SLC1A2: variants seen among roughly 807,000 people sequenced by gnomAD.
SLC1A2 encodes solute carrier family 1 member 2.
Under a neutral mutation model 48.8 loss-of-function variants are expected in SLC1A2, and 15 were observed. That is an observed-to-expected ratio of 0.31 (90% CI 0.21 to 0.47). The LOEUF is 0.47. SLC1A2 is among the 20% of genes least tolerant of loss of function. The probability of loss-of-function intolerance (pLI) is 0.99; values close to 1 mark genes in which losing one functional copy is unlikely to be tolerated. For missense variants in SLC1A2, 502 were observed against 730.5 expected, an observed-to-expected ratio of 0.69 and a Z score of 3.61; for synonymous variants, 279 against 272.6, an observed-to-expected ratio of 1.02 and a Z score of -0.23.
chr11:35,371,065 T>C, intron 1 of SLC1A2: 2 of 984,936 alleles, frequency 2.0e-6, no homozygotes, highest in South Asian at 9.4e-5. Flanking sequence ...ATGGGTGGAG[T>C]TGACTCATCT....
intron 4 of SLC1A2, 52 bp from the exon 5 acceptor site, chr11:35,306,294 GAAA>G: frequency 2.8e-6 from 3 of 1,081,958 alleles, no homozygotes; most frequent in South Asian, 1.9e-5. Flanking sequence ...CCTATAAGGT[GAAA>G]AAAAAAAAGA....
chr11:35,400,981 G>A (rs1192822349), intron 1 of SLC1A2, among the ~76,000 whole-genome samples: 1 of 152,158 alleles, frequency 6.6e-6, no homozygotes, highest in Non-Finnish European at 1.5e-5. Flanking sequence ...CCAAAAGGCA[G>A]GACAACTGGA....
At chr11:35,416,940 C>T (rs989421356) in intron 1 of SLC1A2, among the ~76,000 whole-genome samples, 2 of 152,220 alleles carry the variant, frequency 1.3e-5, no homozygotes, top group Admixed American at 6.5e-5. Flanking sequence ...CCCCCCAACT[C>T]GGAGTTCCTC....
chr11:35,358,023 T>C (rs1004220419), intron 1 of SLC1A2, among the ~76,000 whole-genome samples: 1 of 152,002 alleles, frequency 6.6e-6, no homozygotes, highest in Non-Finnish European at 1.5e-5. Flanking sequence ...CAGGTGGCTA[T>C]AGCCCCAGCT....
At chr11:35,381,188 G>T (rs1854412202) in intron 1 of SLC1A2, among the ~76,000 whole-genome samples, 1 of 152,008 alleles carries the variant, frequency 6.6e-6, no homozygotes, top group Middle Eastern at 3.2e-3. Flanking sequence ...TCGTGTGATT[G>T]TCATCACACG....
intron 1 of SLC1A2, chr11:35,374,415 C>A: frequency 4.1e-6 from 2 of 493,508 alleles, no homozygotes; most frequent in Non-Finnish European, 7.6e-6. Flanking sequence ...CTGTCTGGAG[C>A]AAAGAAAAGA....
At chr11:35,302,450 ACTTGTATCTAAGT>A (rs1275184885) in intron 5 of SLC1A2, among the ~76,000 whole-genome samples, 8 of 151,964 alleles carry the variant, frequency 5.3e-5, no homozygotes. Flanking sequence ...GACATTCTTG[ACTTGTATCTAAGT>A]CCAGCCTCAC....
chr11:35,419,827 C>T (rs930673371), upstream of SLC1A2: 420 of 371,142 alleles, frequency 1.1e-3, 1 homozygote, highest in Non-Finnish European at 2.8e-4. This position sits in a 1 kb window ranked among gnomAD's most constrained non-coding sequence, Gnocchi z 5.4. Context: ...ACCCGGGATG[C>T]CCCTCCGTCT....
intron 1 of SLC1A2, among the ~76,000 whole-genome samples, chr11:35,358,687 T>A (rs1334905859): frequency 6.6e-6 from 1 of 152,180 alleles, no homozygotes; most frequent in Non-Finnish European, 1.5e-5. Context: ...GAAACTAACA[T>A]GTGAAAGAAC....
chr11:35,330,580 G>A (rs77164878), intron 1 of SLC1A2, among the ~76,000 whole-genome samples: 4,477 of 152,288 alleles, frequency 0.029, 101 homozygotes, highest in Non-Finnish European at 0.044. Flanking sequence ...TTGCAAAGAA[G>A]GTTGCTAATC....
chr11:35,310,286 T>C (rs192791214), intron 4 of SLC1A2, among the ~76,000 whole-genome samples: 2 of 152,290 alleles, frequency 1.3e-5, no homozygotes, highest in African/African-American at 4.8e-5. Context: ...CCCAGAATGC[T>C]CTTTCCAAAA....
intron 4 of SLC1A2, among the ~76,000 whole-genome samples, chr11:35,311,887 A>AGAGG (rs1851702290): frequency 1.7e-5 from 1 of 59,394 alleles, no homozygotes; most frequent in Admixed American, 2.8e-4. Context: ...AGAGAGAGAG[A>AGAGG]GAGAGGGAGG....
chr11:35,387,167 A>G (rs1289104068), intron 1 of SLC1A2, among the ~76,000 whole-genome samples: 1 of 152,198 alleles, frequency 6.6e-6, no homozygotes, highest in East Asian at 1.9e-4. Context: ...TGGTCAATCA[A>G]TCACTGAAGA....
intron 2 of SLC1A2, 153 bp from the exon 3 acceptor site, chr11:35,315,328 GC>G: frequency 1.8e-6 from 1 of 552,412 alleles, no homozygotes; most frequent in Non-Finnish European, 3.2e-6. Context: ...GATAAGTGAA[GC>G]TGATTTTGAT....
intron 1 of SLC1A2, among the ~76,000 whole-genome samples, chr11:35,326,670 AC>A (rs997882188): frequency 6.6e-6 from 1 of 152,222 alleles, no homozygotes; most frequent in African/African-American, 2.4e-5. Flanking sequence ...CACTACCATG[AC>A]CTTGCAAATT....
At chr11:35,337,810 T>A (rs1852686254) in intron 1 of SLC1A2, among the ~76,000 whole-genome samples, 2 of 152,132 alleles carry the variant, frequency 1.3e-5, no homozygotes, top group African/African-American at 4.8e-5. Context: ...GCCTTCCAGC[T>A]CTATGAGTAT....
chr11:35,315,151 C>G lies in SLC1A2; in HGVS notation c.182G>C (p.Gly61Ala). ...GGGAGATGCCAAGCGAAGAAGCCCTCCACACACTGCTCCCAGGATGACACC... is the reference window on the plus strand; with the variant it reads ...GGGAGATGCCAAGCGAAGAAGCCCTGCACACACTGCTCCCAGGATGACACC... The part of the protein sequence containing the change: ...VFGVILGAVC[G>A]GLLRLASPIH... Residue 61 changes from glycine to alanine, a missense_variant, in exon 3 of 11, where the codon GGA becomes GCA. Gly to Ala is a moderately conservative substitution (Grantham distance 60). Transcript: ENST00000278379. 1.9e-6 allele frequency: 3 copies of G among 1,613,694 alleles called. No homozygotes were observed. The highest frequency in any genetic ancestry group is 2.5e-6 in the Non-Finnish European group (3 of 1,179,698).
At position 35,292,513 on chromosome 11, in the gene SLC1A2, G is replaced by GA; in HGVS notation, c.864dup (p.Pro289SerfsTer23). 1 of 1,608,272 alleles carries GA rather than the reference G, an allele frequency of 6.2e-7. No individual in the cohort carries two copies. Among genetic ancestry groups the GA allele is most frequent in the Non-Finnish European group, 8.5e-7 (1 of 1,175,462 alleles). On this transcript the variant is annotated frameshift_variant, in exon 7 of 11. Transcript: ENST00000278379. LOFTEE classifies it high-confidence loss of function. ...CAGATCAGGCAGGCGATACCCAGGG[G>GA]AGAGTACCTGAAAAACACAAAAGGG...
intron 1 of SLC1A2, among the ~76,000 whole-genome samples, chr11:35,381,423 A>T (rs993849513): frequency 6.6e-6 from 1 of 152,136 alleles, no homozygotes; most frequent in Non-Finnish European, 1.5e-5. Flanking sequence ...AGAAAACCCA[A>T]CCAAAAGATG....
Sources: gnomAD v4.1 joint callset for allele counts (sites outside exome capture counted in the v4.1 genomes callset) on GRCh38, gnomAD v4.1.1 for gene constraint, Gnocchi (gnomAD v3.1) non-coding constraint, MANE v1.5 for transcripts, NCBI Gene and HGNC (gene_info 2026-07-23, HGNC 2026-07-21) for gene names.